The following ADK variants were observed in gnomAD, a reference collection of about 807,000 sequenced individuals.
ADK encodes the protein adenosine kinase, also known as N6,N6-dimethyladenosine kinase.
Under a neutral mutation model 44.7 loss-of-function variants are expected in ADK, and 24 were observed. That is an observed-to-expected ratio of 0.54 (90% CI 0.39 to 0.76). The LOEUF is 0.76. Ranked by LOEUF, ADK falls within the 30% of genes least tolerant of loss-of-function variation. The pLI is 0.00. For synonymous variants in ADK, 128 were observed against 142.6 expected (o/e 0.90, Z 0.73); for missense variants, 321 against 425.1 (o/e 0.76, Z 2.15).
chr10:74,259,210 G>T (rs1372866861), intron 3 of ADK, among the ~76,000 whole-genome samples: 1 of 151,716 alleles, frequency 6.6e-6, no homozygotes, highest in East Asian at 1.9e-4. Flanking sequence ...CTCCCAAAGT[G>T]TTGGGATTAC....
chr10:74,636,895 T>C (rs1351906718), intron 9 of ADK, among the ~76,000 whole-genome samples: 5 of 152,034 alleles, frequency 3.3e-5, no homozygotes, highest in African/African-American at 1.2e-4. Context: ...TAGAGCATGG[T>C]GAATTGGGGG....
intron 7 of ADK, among the ~76,000 whole-genome samples, chr10:74,572,186 T>C (rs1274503794): frequency 6.6e-6 from 1 of 152,236 alleles, no homozygotes; most frequent in East Asian, 1.9e-4. Flanking sequence ...GGAGCTCTTT[T>C]AGGGCAGGCC....
rs112717014 is a variant in ADK at position 74,274,957 on chromosome 10, CT to C, written c.195-39702del. Among the ~76,000 whole-genome samples the C allele has an allele frequency of 5.1e-3, 775 of 150,774 alleles. 10 individuals carry two copies. Among genetic ancestry groups the C allele is most frequent in the African/African-American group, 0.018 (722 of 41,042 alleles). ...TGCAGTACAGAAGCTTATACACCCC[CT>C]TTTTTTTATAGGGAAGTGGGGAAAT... is the stretch of plus-strand genomic sequence containing the variant. On this transcript the variant is annotated intron_variant, in intron 3 of 10. Transcript: ENST00000539909.
intron 3 of ADK, among the ~76,000 whole-genome samples, chr10:74,230,087 G>T: frequency 6.8e-6 from 1 of 147,994 alleles, no homozygotes; most frequent in Admixed American, 6.8e-5. Context: ...CTAAGAACTG[G>T]ATATCTGTAA....
chr10:74,176,495 T>G, intron 1 of ADK: 14 of 1,160,356 alleles, frequency 1.2e-5, no homozygotes, highest in Admixed American at 4.2e-5. Flanking sequence ...GGCGCGGCCA[T>G]TTTTGGGGCG....
intron 6 of ADK, among the ~76,000 whole-genome samples, chr10:74,429,445 A>G (rs747508844): frequency 6.6e-6 from 1 of 152,210 alleles, no homozygotes. Context: ...TATATGCATG[A>G]AAAAGATGGT....
At chr10:74,616,119 C>T (rs1852751173) in intron 9 of ADK, among the ~76,000 whole-genome samples, 1 of 152,216 alleles carries the variant, frequency 6.6e-6, no homozygotes, top group African/African-American at 2.4e-5. Context: ...GTATGCCAGT[C>T]TTTTGTTAGA....
intron 9 of ADK, among the ~76,000 whole-genome samples, chr10:74,637,293 A>AATTTTTTTTTT (rs1249037871): frequency 6.6e-5 from 10 of 152,304 alleles, no homozygotes; most frequent in African/African-American, 2.4e-4. Context: ...CCACTGGCAC[A>AATTTTTTTTTT]GTTTTTTTCA....
intron 7 of ADK, among the ~76,000 whole-genome samples, chr10:74,587,669 A>G (rs1851575330): frequency 6.6e-6 from 1 of 151,300 alleles, no homozygotes; most frequent in Admixed American, 6.6e-5. Context: ...TTCTATTAAT[A>G]TCTCTTGGCA....
chr10:74,554,705 G>A (rs1850172389), intron 7 of ADK, among the ~76,000 whole-genome samples: 2 of 151,654 alleles, frequency 1.3e-5, no homozygotes, highest in Non-Finnish European at 2.9e-5. Flanking sequence ...AGCACTTTGG[G>A]AGGCCACGGC....
At chr10:74,623,739 AC>A (rs1853083697) in intron 9 of ADK, among the ~76,000 whole-genome samples, 2 of 151,686 alleles carry the variant, frequency 1.3e-5, no homozygotes, top group African/African-American at 4.8e-5. Flanking sequence ...ATATATACAC[AC>A]ACATTAGTCT....
intron 10 of ADK, among the ~76,000 whole-genome samples, chr10:74,682,146 G>T (rs1855628844): frequency 6.6e-6 from 1 of 151,538 alleles, no homozygotes; most frequent in Admixed American, 6.6e-5. Context: ...AAGGGATTAG[G>T]GTGAAAGGGC....
intron 4 of ADK, among the ~76,000 whole-genome samples, chr10:74,317,069 A>G (rs1840649300): frequency 6.6e-6 from 1 of 152,216 alleles, no homozygotes; most frequent in Non-Finnish European, 1.5e-5. Flanking sequence ...TATGTCAACA[A>G]GAAAATGTCC....
intron 7 of ADK, among the ~76,000 whole-genome samples, chr10:74,565,525 C>T (rs1171795917): frequency 4.0e-5 from 6 of 151,360 alleles, no homozygotes; most frequent in African/African-American, 9.7e-5. Flanking sequence ...GTTGGGAGTT[C>T]GACACCATCC....
intron 6 of ADK, among the ~76,000 whole-genome samples, chr10:74,454,682 G>A (rs1845882071): frequency 6.6e-6 from 1 of 152,182 alleles, no homozygotes; most frequent in South Asian, 2.1e-4. Context: ...TATAATTTAA[G>A]TGTAAGTTTT....
intron 6 of ADK, among the ~76,000 whole-genome samples, chr10:74,466,415 C>G (rs1432986078): frequency 1.3e-5 from 2 of 152,186 alleles, no homozygotes; most frequent in African/African-American, 4.8e-5. Flanking sequence ...TCAGTCCCTA[C>G]TTACCTATCC....
chr10:74,370,306 G>A (rs1307452581), intron 4 of ADK, among the ~76,000 whole-genome samples: 1 of 152,032 alleles, frequency 6.6e-6, no homozygotes, highest in Admixed American at 6.6e-5. Flanking sequence ...ACAAACTAAA[G>A]GAATTTATGT....
chr10:74,200,621 A>G (rs1377661531), intron 1 of ADK, 143 bp from the exon 2 acceptor site: 1 of 680,598 alleles, frequency 1.5e-6, no homozygotes, highest in East Asian at 2.7e-5. Flanking sequence ...TCTACGTATA[A>G]TAGGCAAATC....
intron 4 of ADK, among the ~76,000 whole-genome samples, chr10:74,385,731 A>G (rs1407066610): frequency 6.6e-6 from 1 of 152,156 alleles, no homozygotes; most frequent in Non-Finnish European, 1.5e-5. Context: ...AATCATCACA[A>G]TAATTCCACA....
Sources: allele counts gnomAD v4.1 joint callset (sites outside exome capture counted in the v4.1 genomes callset), GRCh38; gene constraint gnomAD v4.1.1; transcripts MANE v1.5; gene names NCBI Gene and HGNC (gene_info 2026-07-23, HGNC 2026-07-21).